The following ADAMTS19 variants were observed in gnomAD, a reference collection of about 807,000 sequenced individuals.
ADAMTS19 encodes A disintegrin and metalloproteinase with thrombospondin motifs 19.
In ADAMTS19, 93 loss-of-function variants were observed where a neutral mutation model predicts 153.3. That is an observed-to-expected ratio of 0.61 (90% CI 0.51 to 0.72). The LOEUF is 0.72. ADAMTS19 is among the 30% of genes least tolerant of loss of function. The probability of loss-of-function intolerance (pLI) is 0.00; values close to 1 mark genes in which losing one functional copy is unlikely to be tolerated. For synonymous variants in ADAMTS19, 600 were observed against 556.6 expected, an observed-to-expected ratio of 1.08 and a Z score of -1.10; for missense variants, 1,482 against 1,552.1, an observed-to-expected ratio of 0.95 and a Z score of 0.76.
rs766912655 is a variant in ADAMTS19 at position 129,460,389 on chromosome 5, A to G, written c.-3A>G. 2.5e-6 allele frequency: 4 copies of G among 1,612,930 alleles called. No individual in the cohort carries two copies. The East Asian group carries it at 6.7e-5, about 27-fold the overall frequency. On this transcript the variant is annotated 5_prime_UTR_variant, in exon 1 of 23. Transcript: ENST00000274487. ...CGAGAAGCCGCGGCCGCGGGAGCGC[A>G]GTATGGGGAAGAACCGCGAGATGCG... is the stretch of plus-strand genomic sequence containing the variant.
intron 16 of ADAMTS19, among the ~76,000 whole-genome samples, chr5:129,667,877 C>T (rs1754125396): frequency 6.6e-6 from 1 of 152,198 alleles, no homozygotes; most frequent in Non-Finnish European, 1.5e-5. Flanking sequence ...CATGCTAAAA[C>T]CTCTTCTTCC....
chr5:129,509,285 G>A lies in ADAMTS19; in HGVS notation c.913+43G>A, dbSNP rs376269900. 20 of 1,556,164 alleles carry A rather than the reference G, an allele frequency of 1.3e-5. No homozygotes were observed. In the African/African-American group the frequency reaches 1.8e-4, roughly 14 times the overall value. On this transcript the variant is annotated intron_variant, in intron 3 of 22. Coordinates refer to ENST00000274487, the MANE Select transcript of ADAMTS19 (RefSeq NM_133638.6). ...AAAGAGTTTTAAGTAAATATTCAAT[G>A]TGAGATGACTACTTTAAAAAAACTC...
At chr5:129,731,010 G>T (rs534162236) in intron 21 of ADAMTS19, among the ~76,000 whole-genome samples, 1 of 152,026 alleles carries the variant, frequency 6.6e-6, no homozygotes, top group Non-Finnish European at 1.5e-5. Context: ...CCAGGCTGGA[G>T]TGCAGTGGCA....
At chr5:129,466,276 A>G (rs917200028) in intron 2 of ADAMTS19, among the ~76,000 whole-genome samples, 2 of 152,172 alleles carry the variant, frequency 1.3e-5, no homozygotes, top group Admixed American at 6.5e-5. Flanking sequence ...CAGATAGGTG[A>G]GCAGGGAAAC....
At chr5:129,491,500 G>A (rs1423947717) in intron 2 of ADAMTS19, among the ~76,000 whole-genome samples, 2 of 151,896 alleles carry the variant, frequency 1.3e-5, no homozygotes, top group East Asian at 1.9e-4. Flanking sequence ...CAGCCATTAG[G>A]GTTTCTTCTA....
intron 21 of ADAMTS19, among the ~76,000 whole-genome samples, chr5:129,727,573 A>G (rs1371939942): frequency 6.6e-6 from 1 of 152,200 alleles, no homozygotes; most frequent in African/African-American, 2.4e-5. Flanking sequence ...AAGCATTTAA[A>G]TGCTGAATTC....
chr5:129,544,373 T>A (rs756919486), intron 6 of ADAMTS19, among the ~76,000 whole-genome samples: 20 of 152,158 alleles, frequency 1.3e-4, no homozygotes, highest in Admixed American at 5.2e-4. Flanking sequence ...TAAAATGTAA[T>A]AATAAAAAAG....
intron 7 of ADAMTS19, among the ~76,000 whole-genome samples, chr5:129,578,880 T>G (rs1035343246): frequency 1.3e-5 from 2 of 152,212 alleles, no homozygotes; most frequent in African/African-American, 4.8e-5. Context: ...TTTGCTACTG[T>G]GAACAGTGCT....
intron 21 of ADAMTS19, among the ~76,000 whole-genome samples, chr5:129,720,917 T>C (rs1756977991): frequency 6.6e-6 from 1 of 152,218 alleles, no homozygotes; most frequent in Non-Finnish European, 1.5e-5. Flanking sequence ...AGCCATCACA[T>C]AAATTTCTAC....
chr5:129,684,297 C>A, intron 18 of ADAMTS19, 24 bp downstream of exon 18: 1 of 1,610,950 alleles, frequency 6.2e-7, no homozygotes, highest in Non-Finnish European at 8.5e-7. Flanking sequence ...AAACATTTAT[C>A]TTTCCAAAAC....
Position 129,503,457 on chromosome 5 carries a change from G to A in ADAMTS19, c.748-5620G>A, listed in dbSNP as rs141463684. Among the ~76,000 whole-genome samples, 269 of 152,226 alleles carry A rather than the reference G, an allele frequency of 1.8e-3. 2 individuals carry two copies. The highest frequency in any genetic ancestry group is 3.4e-3 in the Middle Eastern group (1 of 294). On this transcript the variant is annotated intron_variant, in intron 2 of 22. Coordinates refer to ENST00000274487, the MANE Select transcript of ADAMTS19 (RefSeq NM_133638.6). ...CATGAGGTATTATAATTTATGCCAA[G>A]CCATATGTCATGCCTACACTTTGAA...
intron 2 of ADAMTS19, among the ~76,000 whole-genome samples, chr5:129,497,075 T>A (rs1750948438): frequency 6.6e-6 from 1 of 152,084 alleles, no homozygotes; most frequent in African/African-American, 2.4e-5. Context: ...TCATCTTGCA[T>A]AGCACTACTA....
chr5:129,650,030 A>C (rs1284730350), intron 13 of ADAMTS19, among the ~76,000 whole-genome samples: 1 of 152,122 alleles, frequency 6.6e-6, no homozygotes, highest in Non-Finnish European at 1.5e-5. Flanking sequence ...ATACAGAAAA[A>C]AAAATTAGCT....
intron 18 of ADAMTS19, among the ~76,000 whole-genome samples, chr5:129,693,231 C>G (rs544323286): frequency 1.7e-4 from 26 of 152,288 alleles, no homozygotes. Flanking sequence ...CTCTTACCAT[C>G]TCCCATTCAA....
chr5:129,617,360 C>T (rs1751576483), intron 8 of ADAMTS19, among the ~76,000 whole-genome samples: 1 of 152,042 alleles, frequency 6.6e-6, no homozygotes, highest in Non-Finnish European at 1.5e-5. Flanking sequence ...AAATGATTAT[C>T]TGGATGAGAG....
Position 129,493,458 on chromosome 5 carries a change from C to A in ADAMTS19, c.748-15619C>A, listed in dbSNP as rs191540828. Reference sequence around the variant, plus strand: ...TTTCTCAATTCATTTTGCATTTCATCTGTTAATTCCCCTTTCAGTATTTTG... The same window carrying A: ...TTTCTCAATTCATTTTGCATTTCATATGTTAATTCCCCTTTCAGTATTTTG... On this transcript the variant is annotated intron_variant, in intron 2 of 22. Coordinates refer to ENST00000274487, the MANE Select transcript of ADAMTS19 (RefSeq NM_133638.6). Among the ~76,000 whole-genome samples the A allele has an allele frequency of 4.9e-3, 732 of 150,100 alleles. 4 individuals carry two copies. Among genetic ancestry groups the A allele is most frequent in the Non-Finnish European group, 6.8e-3 (460 of 67,708 alleles).
chr5:129,587,818 G>T (rs529711873), intron 7 of ADAMTS19, among the ~76,000 whole-genome samples: 4 of 151,978 alleles, frequency 2.6e-5, no homozygotes, highest in East Asian at 3.9e-4. Flanking sequence ...CAGGTTTTTT[G>T]TTGTTGTTGT....
chr5:129,463,633 G>A (rs1476801632), intron 2 of ADAMTS19, among the ~76,000 whole-genome samples: 1 of 152,180 alleles, frequency 6.6e-6, no homozygotes, highest in South Asian at 2.1e-4. Flanking sequence ...ACTCTAACAT[G>A]CCAGCCCTGT....
intron 15 of ADAMTS19, 120 bp from the exon 16 acceptor site, chr5:129,665,379 G>T: frequency 1.4e-6 from 1 of 704,732 alleles, no homozygotes. Context: ...TTTTCTTTAC[G>T]TAAGTACTGA....
Sources: allele counts gnomAD v4.1 joint callset (sites outside exome capture counted in the v4.1 genomes callset), GRCh38; gene constraint gnomAD v4.1.1; transcripts MANE v1.5; gene names NCBI Gene and HGNC (gene_info 2026-07-23, HGNC 2026-07-21).